Variants in STARD13 observed in about 807,000 individuals in gnomAD.
STARD13 encodes the protein stAR-related lipid transfer protein 13.
A neutral mutation model predicts 106.4 loss-of-function variants in STARD13; 62 were observed. The ratio of observed to expected loss-of-function variants is 0.58; its 90% CI spans 0.48 to 0.72. The LOEUF is 0.72. Among genes scored for constraint, STARD13 ranks in the 30% least tolerant of loss-of-function variants. The pLI is 0.00. For synonymous variants in STARD13, 565 were observed against 553.0 expected (o/e 1.02, Z -0.31); for missense variants, 1,387 against 1,424.0 (o/e 0.97, Z 0.42).
intron 1 of STARD13, among the ~76,000 whole-genome samples, chr13:33,221,244 T>C (rs553354869): frequency 6.6e-6 from 1 of 152,266 alleles, no homozygotes; most frequent in African/African-American, 2.4e-5. Flanking sequence ...ACTCCCCCTT[T>C]CCCTATTCGC....
chr13:33,278,728 T>C (rs566144123), intron 1 of STARD13: 2 of 152,324 alleles, frequency 1.3e-5, no homozygotes, highest in South Asian at 4.1e-4. Context: ...TCCTCTTTGC[T>C]TAGATCAGGG....
intron 1 of STARD13, among the ~76,000 whole-genome samples, chr13:33,315,874 T>G (rs533728116): frequency 1.5e-4 from 23 of 152,274 alleles, no homozygotes; most frequent in Non-Finnish European, 3.1e-4. Flanking sequence ...TTTTATCTGA[T>G]TGCTATCCAA....
chr13:33,296,747 T>A (rs1327582422), intron 1 of STARD13, among the ~76,000 whole-genome samples: 4 of 152,060 alleles, frequency 2.6e-5, no homozygotes, highest in Non-Finnish European at 4.4e-5. Flanking sequence ...GCCTCCCAAG[T>A]AGCTGGGATT....
intron 1 of STARD13, among the ~76,000 whole-genome samples, chr13:33,293,654 G>A (rs960995050): frequency 3.3e-5 from 5 of 152,196 alleles, no homozygotes; most frequent in Admixed American, 6.5e-5. Flanking sequence ...GATTTAGTGG[G>A]CTGGGAAGGC....
chr13:33,382,059 G>A, the STARD13 span, among the ~76,000 whole-genome samples: 4 of 152,282 alleles, frequency 2.6e-5, no homozygotes, highest in Admixed American at 6.5e-5. Context: ...TAGCGCAAAC[G>A]CATAGACCAG....
At chr13:33,658,480 C>T in the STARD13 span, 1 of 152,170 alleles carries the variant, frequency 6.6e-6, no homozygotes, top group African/African-American at 2.4e-5. Context: ...TTAGTATTTT[C>T]CTCTTCTGGT....
At chr13:33,640,572 G>A in the STARD13 span, among the ~76,000 whole-genome samples, 1 of 152,122 alleles carries the variant, frequency 6.6e-6, no homozygotes, top group Non-Finnish European at 1.5e-5. Context: ...TCATGGATTT[G>A]GCAGATGGTT....
the STARD13 span, among the ~76,000 whole-genome samples, chr13:33,437,575 C>G: frequency 5.3e-5 from 8 of 152,048 alleles, no homozygotes; most frequent in Non-Finnish European, 1.2e-4. Flanking sequence ...ATTTTACAAA[C>G]AGCAGAAAGG....
chr13:33,223,684 T>C (rs994510497), intron 1 of STARD13, among the ~76,000 whole-genome samples: 3 of 152,054 alleles, frequency 2.0e-5, no homozygotes, highest in Non-Finnish European at 4.4e-5. Context: ...TATAATTCTA[T>C]GTATAGTAGT....
intron 1 of STARD13, among the ~76,000 whole-genome samples, chr13:33,337,003 A>AATAT (rs986476024): frequency 1.3e-5 from 2 of 151,928 alleles, no homozygotes; most frequent in African/African-American, 4.8e-5. Context: ...AAACAAAAGA[A>AATAT]ATATATATAT....
At chr13:33,667,435 T>C in the STARD13 span, among the ~76,000 whole-genome samples, 1 of 152,258 alleles carries the variant, frequency 6.6e-6, no homozygotes, top group Non-Finnish European at 1.5e-5. Context: ...TCAGAACTCA[T>C]GTACTCATTT....
chr13:33,451,970 G>A, the STARD13 span, among the ~76,000 whole-genome samples: 1 of 152,116 alleles, frequency 6.6e-6, no homozygotes, highest in South Asian at 2.1e-4. Flanking sequence ...AATAAATTAA[G>A]GAATAAGTGG....
the STARD13 span, among the ~76,000 whole-genome samples, chr13:33,447,464 C>G: frequency 2.0e-5 from 3 of 152,148 alleles, no homozygotes; most frequent in African/African-American, 7.2e-5. Context: ...TTGTGTTCTT[C>G]CCTTTAGATC....
At chr13:33,496,019 T>C in the STARD13 span, among the ~76,000 whole-genome samples, 1 of 141,788 alleles carries the variant, frequency 7.1e-6, no homozygotes, top group Non-Finnish European at 1.5e-5. Flanking sequence ...TATATATAGT[T>C]AATATGTGAT....
At chr13:33,280,257 G>A (rs890903005) in intron 1 of STARD13, 1 of 152,316 alleles carries the variant, frequency 6.6e-6, no homozygotes, top group African/African-American at 2.4e-5. Flanking sequence ...ATAGTAATGA[G>A]GGGGAATACA....
intron 7 of STARD13, among the ~76,000 whole-genome samples, chr13:33,121,385 G>A (rs1390026885): frequency 1.3e-5 from 2 of 151,948 alleles, no homozygotes; most frequent in Admixed American, 1.3e-4. Context: ...TGGCCAACAT[G>A]GCAAAACCTC....
chr13:33,368,789 G>A, the STARD13 span, among the ~76,000 whole-genome samples: 22,633 of 152,130 alleles, frequency 0.15, 2,318 homozygotes, highest in Non-Finnish European at 0.2. Context: ...AGCAGCACTC[G>A]GAGGAGCCGG....
intron 1 of STARD13, among the ~76,000 whole-genome samples, chr13:33,247,665 A>G (rs183916753): frequency 1.3e-5 from 2 of 152,272 alleles, no homozygotes; most frequent in East Asian, 3.9e-4. Context: ...CAAATTTTCA[A>G]TTTGCTATAT....
chr13:33,328,630 C>T (rs2077803008), intron 1 of STARD13, among the ~76,000 whole-genome samples: 1 of 152,342 alleles, frequency 6.6e-6, no homozygotes, highest in Middle Eastern at 3.4e-3. Context: ...TTTCTCTAAG[C>T]AGCACAACTA....
Sources: allele counts gnomAD v4.1 joint callset (sites outside exome capture counted in the v4.1 genomes callset), GRCh38; gene constraint gnomAD v4.1.1; transcripts MANE v1.5; gene names NCBI Gene and HGNC (gene_info 2026-07-23, HGNC 2026-07-21).